NAV3: variants seen among roughly 807,000 people sequenced by gnomAD.
NAV3 encodes neuron navigator 3.
A neutral mutation model predicts 244.7 loss-of-function variants in NAV3; 87 were observed. That is an observed-to-expected ratio of 0.36 (90% CI 0.30 to 0.42). The LOEUF (loss-of-function observed/expected upper bound fraction) is 0.42, where lower values mean the gene tolerates loss of function less well. Ranked by LOEUF, NAV3 falls within the 20% of genes least tolerant of loss-of-function variation. The probability of loss-of-function intolerance (pLI) is 1.00; values close to 1 mark genes in which losing one functional copy is unlikely to be tolerated. For synonymous variants in NAV3, 1,126 were observed against 1,042.2 expected (o/e 1.08, Z -1.55); for missense variants, 2,663 against 2,893.3 (o/e 0.92, Z 1.83).
chr12:78,156,155 C>T (rs1957296243), intron 22 of NAV3, among the ~76,000 whole-genome samples: 1 of 151,950 alleles, frequency 6.6e-6, no homozygotes. Flanking sequence ...TTTAATCCAT[C>T]TTGGGTTAAT....
intron 33 of NAV3, among the ~76,000 whole-genome samples, chr12:78,189,699 C>T (rs1958889441): frequency 6.6e-6 from 1 of 151,696 alleles, no homozygotes; most frequent in Admixed American, 6.6e-5. Context: ...ATAATGCTTC[C>T]ATTTCTCTCT....
At chr12:77,628,310 C>G (rs1008205320) in intron 2 of NAV3, among the ~76,000 whole-genome samples, 2 of 151,912 alleles carry the variant, frequency 1.3e-5, no homozygotes, top group Admixed American at 6.6e-5. Flanking sequence ...TTTAACACCC[C>G]AAAATATGAG....
intron 9 of NAV3, among the ~76,000 whole-genome samples, chr12:78,023,661 T>C (rs917223199): frequency 1.3e-5 from 2 of 152,162 alleles, no homozygotes; most frequent in South Asian, 2.1e-4. Context: ...CCTGGAAGAA[T>C]TGTGATATTA....
In NAV3 at chr12:77,703,611, T is replaced by G. The variant is rs144876632; in HGVS notation, c.72+131345T>G. Among the ~76,000 whole-genome samples the G allele has an allele frequency of 2.8e-3, 422 of 152,246 alleles. 3 individuals carry two copies. The highest frequency in any genetic ancestry group is 1.0e-2 in the African/African-American group (415 of 41,562). The stretch of plus-strand genomic sequence containing the variant: ...AAGAAACTGCCTAAATTTTACAAAA[T>G]AGTTATAACATTTTCCATTTTCACA... On this transcript the variant is annotated intron_variant, in intron 2 of 8. Transcript: ENST00000550042.
chr12:77,840,683 C>G (rs937827342), intron 1 of NAV3, among the ~76,000 whole-genome samples: 1 of 152,182 alleles, frequency 6.6e-6, no homozygotes, highest in Non-Finnish European at 1.5e-5. Context: ...ATTACTAACA[C>G]TTTTTGAGTG....
At chr12:78,111,007 ACAGAG>A (rs1955066867) in intron 12 of NAV3, among the ~76,000 whole-genome samples, 1 of 152,048 alleles carries the variant, frequency 6.6e-6, no homozygotes, top group African/African-American at 2.4e-5. Context: ...TAGGTAGGAA[ACAGAG>A]ACTGGAAAGG....
chr12:78,034,436 G>A (rs1182992509), intron 9 of NAV3, among the ~76,000 whole-genome samples: 2 of 152,144 alleles, frequency 1.3e-5, no homozygotes, highest in Non-Finnish European at 2.9e-5. Flanking sequence ...TATGTGGCTG[G>A]GGCACAGCGA....
At chr12:77,830,872 A>G (rs1177781807), upstream of NAV3, 2 of 152,220 alleles carry the variant, frequency 1.3e-5, no homozygotes, top group African/African-American at 2.4e-5. Flanking sequence ...CTTTAAAAAG[A>G]GAATGCAGGC....
At chr12:77,919,709 A>G (rs1484520879) in intron 1 of NAV3, among the ~76,000 whole-genome samples, 1 of 152,062 alleles carries the variant, frequency 6.6e-6, no homozygotes, top group African/African-American at 2.4e-5. Context: ...CTGTTTCCTT[A>G]TGAGAATAGG....
chr12:78,182,442 CTAA>C (rs1265534789), intron 30 of NAV3, among the ~76,000 whole-genome samples: 1 of 151,916 alleles, frequency 6.6e-6, no homozygotes, highest in East Asian at 1.9e-4. Context: ...ATAGGTCAGA[CTAA>C]TGGTAGGGTT....
At chr12:77,902,772 G>T (rs1042739149) in intron 1 of NAV3, among the ~76,000 whole-genome samples, 1 of 152,148 alleles carries the variant, frequency 6.6e-6, no homozygotes, top group African/African-American at 2.4e-5. Context: ...ATCTCCTTAA[G>T]CTGATAGACA....
chr12:77,905,834 G>A (rs965975665), intron 1 of NAV3, among the ~76,000 whole-genome samples: 5 of 152,130 alleles, frequency 3.3e-5, no homozygotes, highest in African/African-American at 9.7e-5. Flanking sequence ...TGTACATTGA[G>A]TACAGTGGAA....
At chr12:77,732,720 G>A (rs1365688680) in intron 2 of NAV3, among the ~76,000 whole-genome samples, 1 of 152,002 alleles carries the variant, frequency 6.6e-6, no homozygotes, top group Non-Finnish European at 1.5e-5. Flanking sequence ...CTGAGCAAGT[G>A]AGCAGTGAAG....
At chr12:77,608,220 A>C (rs904939835) in intron 2 of NAV3, among the ~76,000 whole-genome samples, 1 of 152,112 alleles carries the variant, frequency 6.6e-6, no homozygotes, top group Non-Finnish European at 1.5e-5. Flanking sequence ...TAAAATTGTC[A>C]AGATATGGAC....
intron 14 of NAV3, 143 bp downstream of exon 14, chr12:78,118,440 T>G: frequency 8.4e-7 from 1 of 1,189,614 alleles, no homozygotes; most frequent in Non-Finnish European, 1.1e-6. Context: ...TTAAATAGTT[T>G]TTCTGTCTAC....
intron 12 of NAV3, among the ~76,000 whole-genome samples, chr12:78,073,065 C>G (rs879665473): frequency 0.015 from 2,054 of 132,846 alleles, 43 homozygotes; most frequent in Non-Finnish European, 0.023. Context: ...CTATGACAAA[C>G]CCACAGCCAA....
chr12:77,724,763 G>A (rs914156869), intron 2 of NAV3, among the ~76,000 whole-genome samples: 1 of 151,828 alleles, frequency 6.6e-6, no homozygotes, highest in African/African-American at 2.4e-5. Context: ...TTTAGAAATA[G>A]CATTATATGA....
intron 2 of NAV3, among the ~76,000 whole-genome samples, chr12:77,758,969 T>C (rs931675739): frequency 3.3e-5 from 5 of 152,244 alleles, no homozygotes; most frequent in African/African-American, 9.6e-5. Flanking sequence ...ATCATTTACA[T>C]CTTTTCATAA....
At chr12:78,120,943 G>A (rs191191547) in intron 15 of NAV3, among the ~76,000 whole-genome samples, 10 of 152,222 alleles carry the variant, frequency 6.6e-5, no homozygotes, top group South Asian at 6.2e-4. Context: ...TTATTCCTCC[G>A]TAGTAATATT....
Sources: gnomAD v4.1 joint callset for allele counts (sites outside exome capture counted in the v4.1 genomes callset) on GRCh38, gnomAD v4.1.1 for gene constraint, MANE v1.5 for transcripts, NCBI Gene and HGNC (gene_info 2026-07-23, HGNC 2026-07-21) for gene names.